NRCAM: variants seen among roughly 807,000 people sequenced by gnomAD.
The protein encoded by NRCAM is neuronal cell adhesion molecule, also known as NgCAM-related cell adhesion molecule.
NRCAM carries 83 observed loss-of-function variants against 156.5 expected under a neutral mutation model. The observed-to-expected ratio is 0.53, with a 90% CI of 0.44 to 0.64. The LOEUF (loss-of-function observed/expected upper bound fraction) is 0.64. NRCAM is among the 30% of genes least tolerant of loss of function. The pLI, the probability that NRCAM is intolerant of heterozygous loss-of-function variation, is 0.00. For missense variants in NRCAM, 1,417 were observed against 1,597.3 expected (o/e 0.89, Z 1.92); for synonymous variants, 538 against 563.9 (o/e 0.95, Z 0.65).
chr7:108,315,818 T>C (rs1359330570), intron 2 of NRCAM, among the ~76,000 whole-genome samples: 1 of 152,172 alleles, frequency 6.6e-6, no homozygotes, highest in Admixed American at 6.5e-5. Context: ...AATTAACACA[T>C]TGGTCCTTGA....
chr7:108,357,197 T>C (rs766256102), intron 2 of NRCAM, among the ~76,000 whole-genome samples: 31 of 152,324 alleles, frequency 2.0e-4, no homozygotes, highest in Middle Eastern at 3.4e-3. Context: ...CAAACAACAT[T>C]GTAAGCATAA....
chr7:108,373,722 T>C (rs1173174210), intron 2 of NRCAM, among the ~76,000 whole-genome samples: 1 of 152,178 alleles, frequency 6.6e-6, no homozygotes, highest in East Asian at 1.9e-4. Flanking sequence ...ACTTGTGAAC[T>C]TGTGACTTGT....
At chr7:108,237,899 C>T in intron 4 of NRCAM, 130 bp from the exon 5 acceptor site, 1 of 570,316 alleles carries the variant, frequency 1.8e-6, no homozygotes, top group Admixed American at 4.1e-5. Flanking sequence ...TCTAAGAAAA[C>T]CTGTATAGTG....
At chr7:108,301,570 A>G (rs2098614035) in intron 3 of NRCAM, among the ~76,000 whole-genome samples, 1 of 152,224 alleles carries the variant, frequency 6.6e-6, no homozygotes, top group South Asian at 2.1e-4. Context: ...GTTTCTGGGA[A>G]AAATTTTTAA....
At chr7:108,347,595 C>T (rs1159232697) in intron 2 of NRCAM, among the ~76,000 whole-genome samples, 1 of 152,158 alleles carries the variant, frequency 6.6e-6, no homozygotes, top group East Asian at 1.9e-4. Context: ...CAAAAAAATC[C>T]TTCTAAGGAT....
At chr7:108,399,731 A>G (rs2099786527) in intron 1 of NRCAM, 138 bp from the exon 2 acceptor site, 2 of 152,256 alleles carry the variant, frequency 1.3e-5, no homozygotes, top group South Asian at 4.1e-4. Context: ...ATTAATTTTA[A>G]CCAAGCATTA....
At chr7:108,349,827 G>A (rs1466793139) in intron 2 of NRCAM, among the ~76,000 whole-genome samples, 1 of 152,072 alleles carries the variant, frequency 6.6e-6, no homozygotes, top group Non-Finnish European at 1.5e-5. Flanking sequence ...CGAGGTCATA[G>A]CGATCATTTA....
At chr7:108,278,299 G>C (rs541562981) in intron 3 of NRCAM, among the ~76,000 whole-genome samples, 1 of 152,294 alleles carries the variant, frequency 6.6e-6, no homozygotes, top group African/African-American at 2.4e-5. Flanking sequence ...GTTTAAGTCT[G>C]CAGAAGTCGT....
chr7:108,194,560 T>A, intron 15 of NRCAM, 132 bp from the exon 16 acceptor site: 1 of 605,006 alleles, frequency 1.7e-6, no homozygotes, highest in Non-Finnish European at 2.8e-6. Flanking sequence ...ATTGTACTTT[T>A]GAAAGTATCA....
In NRCAM at chr7:108,198,125, A is replaced by C. The variant is rs755573477; in HGVS notation, c.1208-26T>G. 3.2e-6 allele frequency: 5 copies of C among 1,567,994 alleles called. No individual in the cohort carries two copies. The Admixed American group carries it at 7.5e-5, about 23-fold the overall frequency. ...CTGTTTGGATGTAAAAATAGAAAGT[A>C]TTTATTCCTATTTGCTTAAAAGATG... On this transcript the variant is annotated intron_variant, in intron 13 of 32. Coordinates refer to ENST00000379028, the MANE Select transcript of NRCAM (RefSeq NM_001037132.4).
At chr7:108,161,072 C>A (rs2048645905) in intron 30 of NRCAM, among the ~76,000 whole-genome samples, 1 of 152,152 alleles carries the variant, frequency 6.6e-6, no homozygotes, top group African/African-American at 2.4e-5. Context: ...TCAATTTGCA[C>A]CCAAAATATT....
chr7:108,367,266 A>G (rs2099597423), intron 2 of NRCAM, among the ~76,000 whole-genome samples: 1 of 152,180 alleles, frequency 6.6e-6, no homozygotes, highest in Non-Finnish European at 1.5e-5. Context: ...CTAAAACTCT[A>G]AGTTCATATT....
intron 1 of NRCAM, among the ~76,000 whole-genome samples, chr7:108,430,201 G>C (rs147891006): frequency 6.6e-6 from 1 of 151,752 alleles, no homozygotes; most frequent in Non-Finnish European, 1.5e-5. Context: ...TCTAAGAGGA[G>C]TGGGTTGGTA....
At chr7:108,309,396 C>T (rs2098768115) in intron 3 of NRCAM, among the ~76,000 whole-genome samples, 1 of 152,186 alleles carries the variant, frequency 6.6e-6, no homozygotes, top group Non-Finnish European at 1.5e-5. Flanking sequence ...AAGTTCTAGG[C>T]ATCCCAGAGT....
chr7:108,153,796 G>A (rs2043166620), intron 32 of NRCAM, among the ~76,000 whole-genome samples: 1 of 151,844 alleles, frequency 6.6e-6, no homozygotes, highest in African/African-American at 2.4e-5. Context: ...CAAAAAATTA[G>A]GAAATAAAAT....
At chr7:108,211,432 C>G (rs1417915734) in intron 11 of NRCAM, among the ~76,000 whole-genome samples, 1 of 152,184 alleles carries the variant, frequency 6.6e-6, no homozygotes, top group Non-Finnish European at 1.5e-5. Flanking sequence ...ACTCCATAGG[C>G]TGGGGAAGAA....
At chr7:108,347,374 A>G (rs760897737) in intron 2 of NRCAM, among the ~76,000 whole-genome samples, 3 of 152,104 alleles carry the variant, frequency 2.0e-5, no homozygotes, top group African/African-American at 7.2e-5. Flanking sequence ...GAAATTTACA[A>G]TGTATCTCAA....
intron 2 of NRCAM, among the ~76,000 whole-genome samples, chr7:108,395,989 C>T (rs1424035956): frequency 6.6e-6 from 1 of 152,174 alleles, no homozygotes; most frequent in Non-Finnish European, 1.5e-5. Context: ...CTGCCCAATG[C>T]AGCCAAGCGA....
intron 13 of NRCAM, among the ~76,000 whole-genome samples, chr7:108,201,861 T>C (rs551251535): frequency 6.6e-6 from 1 of 152,330 alleles, no homozygotes; most frequent in South Asian, 2.1e-4. Context: ...ATAAACCCTT[T>C]AGGTAATAAC....
Sources: allele counts gnomAD v4.1 joint callset (sites outside exome capture counted in the v4.1 genomes callset), GRCh38; gene constraint gnomAD v4.1.1; transcripts MANE v1.5; gene names NCBI Gene and HGNC (gene_info 2026-07-23, HGNC 2026-07-21).